The following DLGAP4 variants were observed in gnomAD, a reference collection of about 807,000 sequenced individuals.
DLGAP4 encodes the protein disks large-associated protein 4.
DLGAP4 carries 18 observed loss-of-function variants against 86.9 expected under a neutral mutation model. That is an observed-to-expected ratio of 0.21 (90% confidence interval 0.14 to 0.31). DLGAP4 has a LOEUF of 0.31. Ranked by LOEUF, DLGAP4 falls within the 10% of genes least tolerant of loss-of-function variation. The pLI, the probability that DLGAP4 is intolerant of heterozygous loss-of-function variation, is 1.00. For missense variants in DLGAP4, 1,085 were observed against 1,362.6 expected, an observed-to-expected ratio of 0.80 and a Z score of 3.21; for synonymous variants, 548 against 574.3, an observed-to-expected ratio of 0.95 and a Z score of 0.65.
chr20:36,309,180 A>G (rs2065031680), intron 1 of DLGAP4, among the ~76,000 whole-genome samples: 1 of 152,100 alleles, frequency 6.6e-6, no homozygotes, highest in Admixed American at 6.5e-5. Flanking sequence ...TCGCTTCCAA[A>G]AGAAAGCCTT....
chr20:36,521,253 G>A (rs1167533208), intron 10 of DLGAP4, among the ~76,000 whole-genome samples: 4 of 152,144 alleles, frequency 2.6e-5, no homozygotes, highest in East Asian at 1.9e-4. Context: ...GAGCCTCCAC[G>A]TTCATAACCA....
At chr20:36,435,077 G>GT (rs1051092943) in intron 3 of DLGAP4, among the ~76,000 whole-genome samples, 3 of 150,856 alleles carry the variant, frequency 2.0e-5, no homozygotes, top group Admixed American at 2.0e-4. Flanking sequence ...CTGCATACTT[G>GT]TGGGGGGGGG....
chr20:36,343,992 G>T (rs1302700379), intron 1 of DLGAP4, among the ~76,000 whole-genome samples: 2 of 152,212 alleles, frequency 1.3e-5, no homozygotes, highest in Non-Finnish European at 2.9e-5. Flanking sequence ...GGCCATGGGG[G>T]TGCAGGGGAG....
chr20:36,497,612 T>A (rs41307209), intron 8 of DLGAP4: 38 of 987,784 alleles, frequency 3.8e-5, no homozygotes, highest in Non-Finnish European at 3.6e-5. Context: ...GGTAGGTGGC[T>A]TGAGGTACCA....
At chr20:36,488,656 C>T (rs1366880410) in intron 7 of DLGAP4, among the ~76,000 whole-genome samples, 1 of 151,718 alleles carries the variant, frequency 6.6e-6, no homozygotes, top group African/African-American at 2.4e-5. Context: ...TGGCTCACTG[C>T]ACCCTCTGCC....
chr20:36,346,908 G>A (rs1555893056), intron 1 of DLGAP4, among the ~76,000 whole-genome samples: 1 of 152,144 alleles, frequency 6.6e-6, no homozygotes, highest in Non-Finnish European at 1.5e-5. Context: ...TTGTAACAGG[G>A]GCCTTCAGTA....
chr20:36,313,283 C>T (rs1315868975), intron 1 of DLGAP4, among the ~76,000 whole-genome samples: 1 of 152,158 alleles, frequency 6.6e-6, no homozygotes, highest in Non-Finnish European at 1.5e-5. Flanking sequence ...CTTCCCACCA[C>T]CCCCAGCTGC....
chr20:36,429,139 G>A (rs183083502), intron 2 of DLGAP4, among the ~76,000 whole-genome samples: 17 of 152,266 alleles, frequency 1.1e-4, no homozygotes, highest in African/African-American at 4.1e-4. Flanking sequence ...GAGTGCAGTG[G>A]CACAATCTCG....
At position 36,432,833 on chromosome 20, in the gene DLGAP4, T is replaced by G. The variant is rs1775451042; in HGVS notation, c.999+117T>G. 5 of 1,358,658 alleles carry G rather than the reference T, an allele frequency of 3.7e-6. No individual in the cohort carries two copies. The South Asian group carries it at 7.1e-5, about 19-fold the overall frequency. 84.2% of individuals were successfully genotyped at this position (1,358,658 alleles called of 1,614,324 possible). A position where few individuals can be genotyped will look rare whatever the true frequency, so the allele number is the denominator to read the frequency against. The stretch of plus-strand genomic sequence containing the variant: ...TCACTTCATTCTGGGCCTCTGTGGC[T>G]CAGCTATAAAATGGGTGGCCTAGTG... On this transcript the variant is annotated intron_variant, in intron 3 of 12. Coordinates refer to ENST00000339266, the MANE Select transcript of DLGAP4 (RefSeq NM_001365621.2). The surrounding 1 kb of genome is among the most constrained non-coding windows in gnomAD (Gnocchi z 6.5).
chr20:36,507,296 C>T (rs926212602), intron 10 of DLGAP4, among the ~76,000 whole-genome samples: 1 of 151,826 alleles, frequency 6.6e-6, no homozygotes, highest in Admixed American at 6.6e-5. Flanking sequence ...GGTACAATTT[C>T]GGCTCACCAC....
At chr20:36,522,004 G>A (rs1265845991) in intron 10 of DLGAP4, among the ~76,000 whole-genome samples, 3 of 152,060 alleles carry the variant, frequency 2.0e-5, no homozygotes, top group Non-Finnish European at 4.4e-5. Flanking sequence ...GCAGGAATCT[G>A]TACGTGGGAT....
chr20:36,500,389 T>C lies in DLGAP4; in HGVS notation c.2290T>C (p.Tyr764His), dbSNP rs1258128127. The change falls in exon 10 of 13, where the codon TAT (tyrosine) becomes CAT (histidine). Residue 764 changes from tyrosine (Y) to histidine (H), a missense_variant. Physicochemically the swap from Tyr to His is moderately conservative, Grantham distance 83. Coordinates refer to ENST00000339266, the MANE Select transcript of DLGAP4 (RefSeq NM_001365621.2). The surrounding 1 kb of genome is among the most constrained non-coding windows in gnomAD (Gnocchi z 4.6). ...KIAQIKRNLSYGDNSDPALEA... is the reference protein window; with the variant it reads ...KIAQIKRNLSHGDNSDPALEA... ...TGCCCAGATCAAGCGCAACCTCTCC[T>C]ATGGAGACAACAGCGACCCTGCCCT... 6.2e-7 allele frequency: 1 copy of C among 1,602,258 alleles called. No homozygotes were observed. Among genetic ancestry groups the C allele is most frequent in the Non-Finnish European group, 8.5e-7 (1 of 1,174,252 alleles).
chr20:36,310,590 C>G (rs1294888820), intron 1 of DLGAP4, among the ~76,000 whole-genome samples: 1 of 152,134 alleles, frequency 6.6e-6, no homozygotes, highest in African/African-American at 2.4e-5. Flanking sequence ...GGCTGTCCTC[C>G]CATTTTCTGG....
At chr20:36,454,026 T>G (rs1345262192) in intron 7 of DLGAP4, among the ~76,000 whole-genome samples, 3 of 150,648 alleles carry the variant, frequency 2.0e-5, no homozygotes, top group Non-Finnish European at 4.4e-5. Flanking sequence ...ATCCCAGCAT[T>G]TTGGGAGGCC....
rs1442213549 is a variant in DLGAP4, at chr20:36,306,698, C to T, written c.-304+186C>T. Reference sequence around the variant, plus strand: ...TCTTCCGATCCCGGGTCCGAGGGGCCGGCTGTGCGGCTGGGAAGCGCCTTC... The same window carrying T: ...TCTTCCGATCCCGGGTCCGAGGGGCTGGCTGTGCGGCTGGGAAGCGCCTTC... On this transcript the variant is annotated intron_variant, in intron 1 of 12. Transcript: ENST00000339266. The surrounding 1 kb of genome is among the most constrained non-coding windows in gnomAD (Gnocchi z 4.9). Among the ~76,000 whole-genome samples, 2 of 152,224 alleles carry T rather than the reference C, an allele frequency of 1.3e-5. No homozygotes were observed. Among genetic ancestry groups the T allele is most frequent in the East Asian group, 1.9e-4 (1 of 5,146 alleles).
At position 36,431,684 on chromosome 20, in the gene DLGAP4, C is replaced by T. The variant is rs766605854; in HGVS notation, c.-34C>T. 3 of 1,541,516 alleles carry T rather than the reference C, an allele frequency of 1.9e-6. No homozygotes were observed. The highest frequency in any genetic ancestry group is 1.7e-6 in the Non-Finnish European group (2 of 1,143,444). Reference sequence around the variant, plus strand: ...CGGGAGAGGTGACCCGGGCGCCCTGCTAGGGTGAAGGCCCCTGCCCTCGGC... The same window carrying T: ...CGGGAGAGGTGACCCGGGCGCCCTGTTAGGGTGAAGGCCCCTGCCCTCGGC... On this transcript the variant is annotated 5_prime_UTR_variant, in exon 3 of 13. Coordinates refer to ENST00000339266, the MANE Select transcript of DLGAP4 (RefSeq NM_001365621.2). The surrounding 1 kb of genome is among the most constrained non-coding windows in gnomAD (Gnocchi z 5.1).
chr20:36,432,460 C>G lies in DLGAP4; in HGVS notation c.743C>G (p.Thr248Ser). ...QPRYFMHAYN[T>S]ISGHMLKTTK... ...CGCTACTTCATGCACGCCTACAACA[C>G]CATCAGTGGGCACATGCTCAAAACC... Residue 248 changes from threonine to serine, a missense_variant, in exon 3 of 13, where the codon ACC becomes AGC. Thr to Ser is a moderately conservative substitution (Grantham distance 58, BLOSUM62 1). Transcript: ENST00000339266. This position sits in a 1 kb window ranked among gnomAD's most constrained non-coding sequence, Gnocchi z 6.5. 1 of 1,613,860 alleles carries G rather than the reference C, an allele frequency of 6.2e-7. No homozygotes were observed. Among genetic ancestry groups the G allele is most frequent in the Non-Finnish European group, 8.5e-7 (1 of 1,180,038 alleles).
At position 36,308,080 on chromosome 20, in the gene DLGAP4, C is replaced by A. The variant is rs782795557; in HGVS notation, c.-304+1568C>A. ...GTCGGGGCCAGTCAGCAGCAGACTC[C>A]GAGTGTGTTCCCAGCAGCTCCGGAG... On this transcript the variant is annotated intron_variant, in intron 1 of 12. Transcript: ENST00000339266. This position sits in a 1 kb window ranked among gnomAD's most constrained non-coding sequence, Gnocchi z 4.5. Among the ~76,000 whole-genome samples, 20 of 152,160 alleles carry A rather than the reference C, an allele frequency of 1.3e-4. No individual in the cohort carries two copies. Among genetic ancestry groups the A allele is most frequent in the Non-Finnish European group, 2.5e-4 (17 of 68,020 alleles).
intron 2 of DLGAP4, among the ~76,000 whole-genome samples, chr20:36,378,413 C>T (rs538850795): frequency 7.2e-5 from 11 of 152,164 alleles, no homozygotes; most frequent in African/African-American, 9.7e-5. Flanking sequence ...GCTAGAACAG[C>T]GCCTAGCACT....
Sources: gnomAD v4.1 joint callset for allele counts (sites outside exome capture counted in the v4.1 genomes callset) on GRCh38, gnomAD v4.1.1 for gene constraint, Gnocchi (gnomAD v3.1) non-coding constraint, MANE v1.5 for transcripts, NCBI Gene and HGNC (gene_info 2026-07-23, HGNC 2026-07-21) for gene names.